PKP4: variants seen among roughly 807,000 people sequenced by gnomAD.
The protein encoded by PKP4 is plakophilin 4.
A neutral mutation model predicts 145.1 loss-of-function variants in PKP4; 90 were observed. That is an observed-to-expected ratio of 0.62 (90% CI 0.52 to 0.74). The LOEUF (loss-of-function observed/expected upper bound fraction) is 0.74, where lower values mean the gene tolerates loss of function less well. PKP4 is among the 30% of genes least tolerant of loss of function. PKP4 has a pLI of 0.00. For missense variants in PKP4, 1,340 were observed against 1,482.7 expected (o/e 0.90, Z 1.58); for synonymous variants, 563 against 577.2 (o/e 0.98, Z 0.35).
At chr2:158,485,012 TA>T (rs1417126384) in intron 1 of PKP4, among the ~76,000 whole-genome samples, 1 of 152,142 alleles carries the variant, frequency 6.6e-6, no homozygotes, top group African/African-American at 2.4e-5. Context: ...GCCAGATCTT[TA>T]AAAAGAAAAA....
chr2:158,643,173 C>T (rs1003718643), intron 11 of PKP4, among the ~76,000 whole-genome samples: 2 of 152,142 alleles, frequency 1.3e-5, no homozygotes, highest in Admixed American at 1.3e-4. Flanking sequence ...TTAAGTCACC[C>T]TCAGATTGGT....
chr2:158,556,119 G>A (rs965869685), intron 2 of PKP4, among the ~76,000 whole-genome samples: 1 of 152,174 alleles, frequency 6.6e-6, no homozygotes, highest in Non-Finnish European at 1.5e-5. Context: ...TGTGACATTG[G>A]CAAGTTTTGA....
Position 158,588,955 on chromosome 2 carries a change from A to G in PKP4, c.245+11572A>G, listed in dbSNP as rs1241553405. 3.9e-5 allele frequency: 6 copies of G among 152,232 alleles called. No homozygotes were observed. In the East Asian group the frequency reaches 1.2e-3, roughly 29 times the overall value. The allele number at this position is 152,232 out of a possible 1,614,324, so 9.4% of individuals were successfully genotyped here. On this transcript the variant is annotated intron_variant, in intron 3 of 21. Transcript: ENST00000389759. Reference sequence around the variant, plus strand: ...AGAGACCATTGTGCGTAACTAAACCAGGTGATGAAGTGTCTTCCTAGCAGC... The same window carrying G: ...AGAGACCATTGTGCGTAACTAAACCGGGTGATGAAGTGTCTTCCTAGCAGC...
At chr2:158,479,476 A>G (rs2105429994) in intron 1 of PKP4, among the ~76,000 whole-genome samples, 1 of 152,260 alleles carries the variant, frequency 6.6e-6, no homozygotes, top group Non-Finnish European at 1.5e-5. Context: ...GGCCCGCCTT[A>G]GCCTCCCAAA....
At chr2:158,488,041 G>T (rs548759441) in intron 1 of PKP4, among the ~76,000 whole-genome samples, 1 of 152,106 alleles carries the variant, frequency 6.6e-6, no homozygotes, top group African/African-American at 2.4e-5. Flanking sequence ...ATTCTAGGTA[G>T]ACCCTTTATG....
intron 1 of PKP4, among the ~76,000 whole-genome samples, chr2:158,482,392 T>G (rs1203644363): frequency 1.3e-5 from 2 of 152,186 alleles, no homozygotes; most frequent in African/African-American, 4.8e-5. Flanking sequence ...CAAGTGATCC[T>G]CCTGCTTCAG....
intron 15 of PKP4, among the ~76,000 whole-genome samples, chr2:158,664,703 G>A (rs1206151048): frequency 6.6e-6 from 1 of 152,166 alleles, no homozygotes; most frequent in Non-Finnish European, 1.5e-5. Context: ...TAGTTAAAGT[G>A]CCAGTGACTG....
At chr2:158,615,065 CG>C (rs1558888811) in intron 4 of PKP4, among the ~76,000 whole-genome samples, 2 of 150,712 alleles carry the variant, frequency 1.3e-5, no homozygotes, top group African/African-American at 4.9e-5. Context: ...TCAAAAGAAT[CG>C]TTTCTTTCTT....
chr2:158,630,453 T>C (rs1340971026), intron 7 of PKP4, among the ~76,000 whole-genome samples: 1 of 152,244 alleles, frequency 6.6e-6, no homozygotes, highest in East Asian at 1.9e-4. Context: ...TTTGATTTTT[T>C]TTAAAAGAAA....
intron 16 of PKP4, among the ~76,000 whole-genome samples, chr2:158,667,828 C>T (rs1165227854): frequency 6.6e-6 from 1 of 152,224 alleles, no homozygotes; most frequent in Non-Finnish European, 1.5e-5. Context: ...AGTTCCCACA[C>T]TTCCTTTACA....
In PKP4 at chr2:158,673,501, G is replaced by A. The variant is rs186863679; in HGVS notation, c.2925-176G>A. On this transcript the variant is annotated intron_variant, in intron 17 of 21. Coordinates refer to ENST00000389759, the MANE Select transcript of PKP4 (RefSeq NM_003628.6). ...GTTCTTGCCACCTCTTGCCAGTTCC[G>A]AACCTGATCGACTCCCAGGCACACC... Among the ~76,000 whole-genome samples, 434 of 152,264 alleles carry A rather than the reference G, an allele frequency of 2.9e-3. 2 individuals carry two copies. Among genetic ancestry groups the A allele is most frequent in the Non-Finnish European group, 3.1e-3 (210 of 68,010 alleles).
Position 158,662,921 on chromosome 2 carries a change from C to G in PKP4, c.2236C>G (p.Leu746Val). 1 of 1,608,002 alleles carries G rather than the reference C, an allele frequency of 6.2e-7. No homozygotes were observed. The highest frequency in any genetic ancestry group is 1.1e-5 in the South Asian group (1 of 90,426). Residue 746 changes from leucine to valine, a missense_variant, in exon 14 of 22, where the codon CTG (leucine) becomes GTG (valine). Transcript: ENST00000389759. ...SKTVENCVCTLRNLSYRLELE... is the reference protein window; with the variant it reads ...SKTVENCVCTVRNLSYRLELE... Reference sequence around the variant, plus strand: ...GACGGTGGAGAACTGCGTGTGCACCCTGAGGAACCTGTCCTATCGGCTGGA... The same window carrying G: ...GACGGTGGAGAACTGCGTGTGCACCGTGAGGAACCTGTCCTATCGGCTGGA...
At chr2:158,491,119 G>A (rs955858909) in intron 1 of PKP4, among the ~76,000 whole-genome samples, 3 of 152,132 alleles carry the variant, frequency 2.0e-5, no homozygotes, top group African/African-American at 7.2e-5. Context: ...GATTCTGACT[G>A]CAGTTGAGTA....
At chr2:158,598,737 C>G (rs892384140) in intron 3 of PKP4, among the ~76,000 whole-genome samples, 2 of 152,148 alleles carry the variant, frequency 1.3e-5, no homozygotes, top group Non-Finnish European at 2.9e-5. Flanking sequence ...CCACTGCACT[C>G]CAGCCTGGGC....
chr2:158,468,366 AC>A (rs1464439940), intron 1 of PKP4, among the ~76,000 whole-genome samples: 1 of 152,146 alleles, frequency 6.6e-6, no homozygotes, highest in Non-Finnish European at 1.5e-5. Flanking sequence ...CCATAAGTTT[AC>A]CTTATTTTTT....
rs1028238761 is a variant in PKP4, at chr2:158,457,182, T to G, written c.-42T>G. On this transcript the variant is annotated 5_prime_UTR_variant, in exon 1 of 22. Coordinates refer to ENST00000389759, the MANE Select transcript of PKP4 (RefSeq NM_003628.6). ...GACCCCTCGGCGCCGATGTCCCTGA[T>G]CCCTGGAGCGACGACGGCCGCTGCC... The G allele has an allele frequency of 2.6e-5, 4 of 150,976 alleles. No individual in the cohort carries two copies. Among genetic ancestry groups the G allele is most frequent in the African/African-American group, 9.8e-5 (4 of 41,020 alleles). 9.4% of individuals were successfully genotyped at this position (150,976 alleles called of 1,614,324 possible).
At chr2:158,569,410 A>G (rs1436765400) in intron 2 of PKP4, among the ~76,000 whole-genome samples, 1 of 152,214 alleles carries the variant, frequency 6.6e-6, no homozygotes, top group East Asian at 1.9e-4. Context: ...GGCAATGGGC[A>G]TAGCATAGGG....
intron 4 of PKP4, among the ~76,000 whole-genome samples, chr2:158,607,798 G>T (rs778708453): frequency 1.3e-5 from 2 of 152,018 alleles, no homozygotes; most frequent in Non-Finnish European, 2.9e-5. Context: ...ATCATGTGTT[G>T]ATTTACAGTC....
intron 4 of PKP4, among the ~76,000 whole-genome samples, chr2:158,619,760 G>A (rs1408371513): frequency 6.6e-6 from 1 of 152,190 alleles, no homozygotes; most frequent in African/African-American, 2.4e-5. Flanking sequence ...TAGACACTGA[G>A]GATATAACAA....
Sources: gnomAD v4.1 joint callset for allele counts (sites outside exome capture counted in the v4.1 genomes callset) on GRCh38, gnomAD v4.1.1 for gene constraint, MANE v1.5 for transcripts, NCBI Gene and HGNC (gene_info 2026-07-23, HGNC 2026-07-21) for gene names.